The following FBXO34 variants were observed in gnomAD, a reference collection of about 807,000 sequenced individuals.
The protein encoded by FBXO34 is F-box only protein 34.
Under a neutral mutation model 24.5 loss-of-function variants are expected in FBXO34, and 12 were observed. The observed-to-expected ratio is 0.49, with a 90% CI of 0.31 to 0.79. The LOEUF is 0.79. FBXO34 is among the 30% of genes least tolerant of loss of function. The pLI, the probability that FBXO34 is intolerant of heterozygous loss-of-function variation, is 0.04. For missense variants in FBXO34, 823 were observed against 857.7 expected (o/e 0.96, Z 0.51); for synonymous variants, 320 against 311.9 (o/e 1.03, Z -0.27).
At chr14:55,388,870 C>A in the FBXO34 span, among the ~76,000 whole-genome samples, 53 of 152,154 alleles carry the variant, frequency 3.5e-4, no homozygotes, top group Non-Finnish European at 6.5e-4. Context: ...AGTGTGGCGT[C>A]TAGATCTGGG....
At chr14:55,439,618 C>CCCCCCCCG in the FBXO34 span, among the ~76,000 whole-genome samples, 1 of 60,244 alleles carries the variant, frequency 1.7e-5, no homozygotes, top group African/African-American at 7.7e-5. Context: ...AAGCAAACCC[C>CCCCCCCCG]CCCCCGTCTC....
the FBXO34 span, chr14:55,382,007 C>T: frequency 6.2e-7 from 1 of 1,614,180 alleles, no homozygotes; most frequent in Non-Finnish European, 8.5e-7. Context: ...CTGTAGTAGG[C>T]AGAGTAGTCC....
the FBXO34 span, among the ~76,000 whole-genome samples, chr14:55,439,921 ACT>A: frequency 1.8e-5 from 2 of 112,512 alleles, no homozygotes; most frequent in African/African-American, 4.2e-5. Flanking sequence ...ACAGAGCGAG[ACT>A]CTGTCTCAAA....
chr14:55,376,455 G>A, the FBXO34 span, among the ~76,000 whole-genome samples: 1 of 152,178 alleles, frequency 6.6e-6, no homozygotes. Context: ...TGAGAGGCAT[G>A]AACTCCCTGT....
At position 55,350,759 on chromosome 14, in the gene FBXO34, T is replaced by A; in HGVS notation, c.369T>A (p.Phe123Leu). The change falls in exon 2 of 2, where the codon TTT (phenylalanine) becomes TTA (leucine). Residue 123 changes from phenylalanine to leucine, a missense_variant. Physicochemically the swap from Phe to Leu is conservative, Grantham distance 22. Transcript: ENST00000313833. Reference sequence around the variant, plus strand: ...ATACCAAGGAAAAAATTGCATTCTTTGCATCCCACCAGTGTAGTAACAGGA... The same window carrying A: ...ATACCAAGGAAAAAATTGCATTCTTAGCATCCCACCAGTGTAGTAACAGGA... The part of the protein sequence containing the change: ...PGNTKEKIAF[F>L]ASHQCSNRIG... 1 of 1,608,906 alleles carries A rather than the reference T, an allele frequency of 6.2e-7. No homozygotes were observed. The highest frequency in any genetic ancestry group is 1.3e-5 in the African/African-American group (1 of 74,582).
At chr14:55,290,984 T>C (rs866007123) in intron 1 of FBXO34, among the ~76,000 whole-genome samples, 1 of 152,072 alleles carries the variant, frequency 6.6e-6, no homozygotes, top group Middle Eastern at 3.4e-3. Context: ...CATGCCCACC[T>C]AGTTTTTTTT....
At chr14:55,441,999 G>A in the FBXO34 span, among the ~76,000 whole-genome samples, 1 of 151,638 alleles carries the variant, frequency 6.6e-6, no homozygotes, top group Non-Finnish European at 1.5e-5. Flanking sequence ...CTGGCCTCAG[G>A]TGATCCACCT....
At chr14:55,370,020 A>T (rs1247501788), downstream of FBXO34, 1 of 1,237,502 alleles carries the variant, frequency 8.1e-7, no homozygotes, top group African/African-American at 1.5e-5. Flanking sequence ...TGAGGGGATG[A>T]GGGACGCCGC....
intron 1 of FBXO34, among the ~76,000 whole-genome samples, chr14:55,291,936 A>C (rs901380728): frequency 6.6e-6 from 1 of 152,182 alleles, no homozygotes; most frequent in African/African-American, 2.4e-5. Flanking sequence ...ACCGCTCTCC[A>C]GCCTGCGTGA....
chr14:55,362,328 AG>A (rs1884604057), downstream of FBXO34, among the ~76,000 whole-genome samples: 1 of 152,236 alleles, frequency 6.6e-6, no homozygotes, highest in Non-Finnish European at 1.5e-5. Flanking sequence ...GTAACATCAA[AG>A]ATCACTGATC....
the FBXO34 span, among the ~76,000 whole-genome samples, chr14:55,421,449 AGCTTTCCCCACTTTGTT>A: frequency 6.6e-6 from 1 of 152,138 alleles, no homozygotes; most frequent in Non-Finnish European, 1.5e-5. Flanking sequence ...ATTCCAAACA[AGCTTTCCCCACTTTGTT>A]TTTAATTTTT....
At chr14:55,333,365 C>A (rs1314076866) in intron 1 of FBXO34, among the ~76,000 whole-genome samples, 1 of 152,106 alleles carries the variant, frequency 6.6e-6, no homozygotes, top group Non-Finnish European at 1.5e-5. Context: ...ATCTAATAAC[C>A]CAGCACTAAA....
At chr14:55,331,249 C>A (rs1594755486) in intron 1 of FBXO34, among the ~76,000 whole-genome samples, 1 of 152,016 alleles carries the variant, frequency 6.6e-6, no homozygotes, top group African/African-American at 2.4e-5. Context: ...AAATTTCTCC[C>A]TTCTTTGTGG....
At position 55,351,043 on chromosome 14, in the gene FBXO34, C is replaced by T. The variant is rs749433625; in HGVS notation, c.653C>T (p.Ala218Val). The change falls in exon 2 of 2, where the codon GCC (alanine) becomes GTC (valine). Residue 218 changes from alanine (A) to valine (V), a missense_variant. This residue lies in a region of FBXO34 where 693 missense variants were observed against 659.1 expected (regional missense o/e 1.05). Coordinates refer to ENST00000313833, the MANE Select transcript of FBXO34 (RefSeq NM_017943.4). ...ATGGTTGCCTTCTTGGAGCAAAGAG[C>T]CAGTGCTCTGCTAGCTAGCTGTTCA... ...IQMVAFLEQR[A>V]SALLASCSKN... is the part of the protein sequence containing the mutation. 3 of 1,614,212 alleles carry T rather than the reference C, an allele frequency of 1.9e-6. No individual in the cohort carries two copies. Among genetic ancestry groups the T allele is most frequent in the Non-Finnish European group, 2.5e-6 (3 of 1,180,036 alleles).
the FBXO34 span, among the ~76,000 whole-genome samples, chr14:55,407,466 T>C: frequency 0.013 from 1,909 of 152,270 alleles, 53 homozygotes; most frequent in African/African-American, 0.044. Flanking sequence ...GGTTTCATCA[T>C]GTTGGCCAGG....
chr14:55,418,118 T>G, the FBXO34 span, among the ~76,000 whole-genome samples: 3 of 152,230 alleles, frequency 2.0e-5, no homozygotes, highest in East Asian at 5.8e-4. Flanking sequence ...GCATGGCTAG[T>G]CCAAGTACAC....
At chr14:55,366,201 G>A (rs1018699885), downstream of FBXO34, among the ~76,000 whole-genome samples, 4 of 152,126 alleles carry the variant, frequency 2.6e-5, no homozygotes, top group Admixed American at 2.6e-4. Context: ...GCTTGGGAAA[G>A]ATCATTGTTA....
At chr14:55,398,984 C>T in the FBXO34 span, among the ~76,000 whole-genome samples, 31 of 152,248 alleles carry the variant, frequency 2.0e-4, no homozygotes, top group African/African-American at 7.0e-4. Flanking sequence ...CAAGAATAGG[C>T]TTTTGGCTAT....
chr14:55,401,501 G>GTATTT, the FBXO34 span, among the ~76,000 whole-genome samples: 1 of 151,828 alleles, frequency 6.6e-6, no homozygotes, highest in Non-Finnish European at 1.5e-5. Context: ...ACTATTTTCC[G>GTATTT]TATTTTCTCT....
Sources: allele counts gnomAD v4.1 joint callset (sites outside exome capture counted in the v4.1 genomes callset), GRCh38; gene constraint gnomAD v4.1.1; regional missense constraint gnomAD v4.1.1; transcripts MANE v1.5; gene names NCBI Gene and HGNC (gene_info 2026-07-23, HGNC 2026-07-21).